Variants in MYO18A observed in about 807,000 individuals in gnomAD.
MYO18A encodes myosin XVIIIA, also known as unconventional myosin-XVIIIa.
A neutral mutation model predicts 235.8 loss-of-function variants in MYO18A; 78 were observed. The observed-to-expected ratio is 0.33, with a 90% CI of 0.28 to 0.40. MYO18A has a LOEUF of 0.40. Among genes scored for constraint, MYO18A ranks in the 10% least tolerant of loss-of-function variants. MYO18A has a pLI of 1.00. For synonymous variants in MYO18A, 977 were observed against 1,077.8 expected, an observed-to-expected ratio of 0.91 and a Z score of 1.83; for missense variants, 2,215 against 2,699.3, an observed-to-expected ratio of 0.82 and a Z score of 3.98.
Position 29,074,275 on chromosome 17 carries a change from G to A in MYO18A, c.*495C>T, listed in dbSNP as rs569334484. The stretch of plus-strand genomic sequence containing the variant: ...CTCAGGGATGCAGCTGTGATGGAGA[G>A]GTTGGGTATTTAAATTAAAAAGTAG... On this transcript the variant is annotated 3_prime_UTR_variant, in exon 42 of 42. Coordinates refer to ENST00000527372, the MANE Select transcript of MYO18A (RefSeq NM_078471.4). This position sits in a 1 kb window ranked among gnomAD's most constrained non-coding sequence, Gnocchi z 4.4. 4.5e-6 allele frequency: 6 copies of A among 1,330,566 alleles called. No individual in the cohort carries two copies. The African/African-American group carries it at 8.8e-5, about 20-fold the overall frequency. 82.4% of individuals were successfully genotyped at this position (1,330,566 alleles called of 1,614,324 possible). A position where few individuals can be genotyped will look rare whatever the true frequency, so the allele number is the denominator to read the frequency against.
chr17:29,146,228 A>G (rs1480687799), intron 2 of MYO18A, among the ~76,000 whole-genome samples: 1 of 152,054 alleles, frequency 6.6e-6, no homozygotes, highest in African/African-American at 2.4e-5. Flanking sequence ...ACTGCACTCC[A>G]GCCCGGGCGA....
intron 41 of MYO18A, chr17:29,080,097 G>A: frequency 1.0e-6 from 1 of 985,968 alleles, no homozygotes; most frequent in Non-Finnish European, 1.2e-6. Flanking sequence ...TGCGGGACCG[G>A]GACACATCAG....
In MYO18A at chr17:29,115,454, G is replaced by T; in HGVS notation, c.2228-13C>A. On this transcript the variant is annotated splice_polypyrimidine_tract_variant and intron_variant, in intron 12 of 41. Coordinates refer to ENST00000527372, the MANE Select transcript of MYO18A (RefSeq NM_078471.4). ...CTCAGTTTCGGGCCTGTGGGGCAGG[G>T]GGAGCAGCGCTATCTCCTTCTCCCC... The T allele has an allele frequency of 6.2e-7, 1 of 1,611,796 alleles. No individual in the cohort carries two copies. Among genetic ancestry groups the T allele is most frequent in the Non-Finnish European group, 8.5e-7 (1 of 1,179,194 alleles).
chr17:29,079,880 G>A (rs2066074247), intron 41 of MYO18A: 2 of 985,950 alleles, frequency 2.0e-6, no homozygotes, highest in Non-Finnish European at 2.4e-6. Flanking sequence ...GAGCAGCTGT[G>A]GCTGGAGACG....
intron 37 of MYO18A, among the ~76,000 whole-genome samples, chr17:29,088,864 C>T (rs1285912111): frequency 6.6e-6 from 1 of 151,894 alleles, no homozygotes; most frequent in African/African-American, 2.4e-5. Flanking sequence ...AAGGCAAAAC[C>T]CTGTCTCTGC....
chr17:29,093,928 G>C, intron 31 of MYO18A, 52 bp downstream of exon 31: 1 of 1,333,012 alleles, frequency 7.5e-7, no homozygotes, highest in Non-Finnish European at 1.1e-6. Context: ...ACTTTAAAGC[G>C]GTGATGGGAA....
chr17:29,098,435 T>A lies in MYO18A; in HGVS notation c.3791A>T (p.Gln1264Leu). The change falls in exon 24 of 42, where the codon CAG becomes CTG. Residue 1264 changes from glutamine (Q) to leucine (L), a missense_variant. By Grantham distance (113) the Gln-to-Leu change is moderately radical. Transcript: ENST00000527372. ...EQIRNKDEEI[Q>L]QLRSKLEKAE... ...CTTCTCGAGCTTGCTCCGCAGCTGC[T>A]GGATCTCCTCCTAGGGTGGACCAAA... The A allele has an allele frequency of 6.2e-7, 1 of 1,613,916 alleles. No individual in the cohort carries two copies.
At chr17:29,076,564 A>G (rs1257792427) in intron 41 of MYO18A, 1 of 152,220 alleles carries the variant, frequency 6.6e-6, no homozygotes, top group Non-Finnish European at 1.5e-5. Flanking sequence ...GGATAGCACA[A>G]AACACATTTA....
At chr17:29,105,631 T>A (rs961168651) in intron 20 of MYO18A, among the ~76,000 whole-genome samples, 18 of 152,028 alleles carry the variant, frequency 1.2e-4, no homozygotes, top group African/African-American at 4.3e-4. Flanking sequence ...AGCTGGAGCC[T>A]GATGTCCTGA....
At chr17:29,165,024 C>T (rs11650603) in intron 2 of MYO18A, among the ~76,000 whole-genome samples, 39,555 of 152,156 alleles carry the variant, frequency 0.26, 5,570 homozygotes, top group East Asian at 0.57. Context: ...CTGCTTCGAA[C>T]CCTTCAATAG....
intron 2 of MYO18A, among the ~76,000 whole-genome samples, chr17:29,136,605 T>C (rs1441642524): frequency 6.6e-6 from 1 of 152,234 alleles, no homozygotes; most frequent in Non-Finnish European, 1.5e-5. Flanking sequence ...ATTGGTGATA[T>C]GGGAATTATT....
At position 29,121,328 on chromosome 17, in the gene MYO18A, T is replaced by C; in HGVS notation, c.1372-117A>G. On this transcript the variant is annotated intron_variant, in intron 5 of 41. Transcript: ENST00000527372. The surrounding 1 kb of genome is among the most constrained non-coding windows in gnomAD (Gnocchi z 4.2). ...TTTCCCTCCTGTAGTGCCCAGGGAT[T>C]CCAAGGCCAAGGCCATGCATGGAAA... 1 of 1,243,492 alleles carries C rather than the reference T, an allele frequency of 8.0e-7. No homozygotes were observed. Among genetic ancestry groups the C allele is most frequent in the East Asian group, 2.5e-5 (1 of 39,246 alleles). The allele number at this position is 1,243,492 out of a possible 1,614,324, so 77.0% of individuals were successfully genotyped here.
In MYO18A at chr17:29,111,918, C is replaced by T; in HGVS notation, c.2599-55G>A. 1 of 1,567,864 alleles carries T rather than the reference C, an allele frequency of 6.4e-7. No homozygotes were observed. The highest frequency in any genetic ancestry group is 8.6e-7 in the Non-Finnish European group (1 of 1,157,906). The stretch of plus-strand genomic sequence containing the variant: ...TCATATGGAGCTGTGGGAAAGGGGC[C>T]AGGGTGGTGCCGGGCCCAAACACAC... On this transcript the variant is annotated intron_variant, in intron 15 of 41. Transcript: ENST00000527372. The surrounding 1 kb of genome is among the most constrained non-coding windows in gnomAD (Gnocchi z 5.1).
At chr17:29,174,147 C>G (rs138124067) in intron 1 of MYO18A, among the ~76,000 whole-genome samples, 19 of 152,314 alleles carry the variant, frequency 1.2e-4, no homozygotes, top group African/African-American at 4.6e-4. Flanking sequence ...ACATAATATA[C>G]ATGGCTAATC....
At chr17:29,085,782 G>C in intron 39 of MYO18A, 134 bp from the exon 40 acceptor site, 3 of 844,666 alleles carry the variant, frequency 3.6e-6, no homozygotes, top group Middle Eastern at 2.6e-4. Flanking sequence ...GTTGAGACCA[G>C]GTAGTGGGAT....
chr17:29,164,536 G>A (rs538992117), intron 2 of MYO18A, among the ~76,000 whole-genome samples: 2 of 152,280 alleles, frequency 1.3e-5, no homozygotes, highest in East Asian at 1.9e-4. Flanking sequence ...AGCTGGGACC[G>A]GGACTCTGCC....
chr17:29,130,486 A>T (rs879286888), intron 2 of MYO18A, among the ~76,000 whole-genome samples: 21,778 of 80,338 alleles, frequency 0.27, 1,702 homozygotes, highest in East Asian at 0.52. Flanking sequence ...ACACACACAC[A>T]CACACACACA....
At position 29,111,639 on chromosome 17, in the gene MYO18A, C is replaced by T. The variant is rs2066931006; in HGVS notation, c.2741-56G>A. The T allele has an allele frequency of 6.2e-7, 1 of 1,611,652 alleles. No homozygotes were observed. Among genetic ancestry groups the T allele is most frequent in the Non-Finnish European group, 8.5e-7 (1 of 1,178,318 alleles). ...TCAGGGTACAGGCACAAAGTGACCC[C>T]CGCCCCCTCCCAGGGAGTGCCACCT... On this transcript the variant is annotated intron_variant, in intron 16 of 41. Coordinates refer to ENST00000527372, the MANE Select transcript of MYO18A (RefSeq NM_078471.4). This position sits in a 1 kb window ranked among gnomAD's most constrained non-coding sequence, Gnocchi z 5.1.
At chr17:29,092,546 C>T in intron 33 of MYO18A, 90 bp from the exon 34 acceptor site, 2 of 1,011,120 alleles carry the variant, frequency 2.0e-6, no homozygotes, top group Non-Finnish European at 3.0e-6. Context: ...GCTCGGATGC[C>T]CTCCTTCTCC....
Sources: gnomAD v4.1 joint callset for allele counts (sites outside exome capture counted in the v4.1 genomes callset) on GRCh38, gnomAD v4.1.1 for gene constraint, Gnocchi (gnomAD v3.1) non-coding constraint, MANE v1.5 for transcripts, NCBI Gene and HGNC (gene_info 2026-07-23, HGNC 2026-07-21) for gene names.